The following LRMDA variants were observed in gnomAD, a reference collection of about 807,000 sequenced individuals.
LRMDA encodes leucine-rich melanocyte differentiation-associated protein.
LRMDA carries 18 observed loss-of-function variants against 29.8 expected under a neutral mutation model. The ratio of observed to expected loss-of-function variants is 0.60; its 90% CI spans 0.42 to 0.90. The LOEUF is 0.90. LRMDA is among the 40% of genes least tolerant of loss of function. The pLI is 0.00. For synonymous variants in LRMDA, 125 were observed against 109.4 expected (o/e 1.14, Z -0.89); for missense variants, 273 against 273.9 (o/e 1.00, Z 0.02).
At chr10:76,347,814 C>G (rs1589146271) in intron 6 of LRMDA, among the ~76,000 whole-genome samples, 1 of 152,146 alleles carries the variant, frequency 6.6e-6, no homozygotes, top group Non-Finnish European at 1.5e-5. Flanking sequence ...AGAAAAATCT[C>G]TAATAAATAC....
intron 2 of LRMDA, among the ~76,000 whole-genome samples, chr10:75,528,929 T>A (rs1483667952): frequency 6.6e-6 from 1 of 151,936 alleles, no homozygotes; most frequent in Non-Finnish European, 1.5e-5. Context: ...CCCTTAAAAA[T>A]TCAACACATG....
intron 5 of LRMDA, among the ~76,000 whole-genome samples, chr10:76,285,018 T>C (rs183814565): frequency 8.7e-4 from 133 of 152,302 alleles, no homozygotes; most frequent in Admixed American, 2.7e-3. Context: ...GAATAGATAA[T>C]ACAGGGATGC....
Position 75,934,123 on chromosome 10 carries a change from T to G in LRMDA, c.132-101885T>G, listed in dbSNP as rs551914830. 6.6e-5 allele frequency among the ~76,000 whole-genome samples: 10 copies of G among 152,314 alleles called. No homozygotes were observed. The South Asian group carries it at 1.5e-3, about 22-fold the overall frequency. ...GAGTCTGCAAAATGTGCATGGGTCCTGGGTAAGGAGAAGGCATCACCTGCT... is the reference window on the plus strand; with the variant it reads ...GAGTCTGCAAAATGTGCATGGGTCCGGGGTAAGGAGAAGGCATCACCTGCT... On this transcript the variant is annotated intron_variant, in intron 2 of 6. Coordinates refer to ENST00000611255, the MANE Select transcript of LRMDA (RefSeq NM_001305581.2).
chr10:75,904,892 C>T (rs955939992), intron 2 of LRMDA, among the ~76,000 whole-genome samples: 5 of 151,924 alleles, frequency 3.3e-5, no homozygotes, highest in African/African-American at 1.2e-4. Flanking sequence ...TTATTAGTGA[C>T]AGCTTGTAAG....
chr10:75,596,307 G>C (rs149487092), intron 2 of LRMDA, among the ~76,000 whole-genome samples: 1 of 152,186 alleles, frequency 6.6e-6, no homozygotes, highest in Non-Finnish European at 1.5e-5. Context: ...TGCACTCTCC[G>C]CCCTTACGTT....
chr10:76,226,327 A>T (rs1014399388), intron 5 of LRMDA, among the ~76,000 whole-genome samples: 1 of 152,110 alleles, frequency 6.6e-6, no homozygotes, highest in Non-Finnish European at 1.5e-5. Context: ...TTATACCTGT[A>T]ATCCCAGCAC....
chr10:76,153,405 T>C (rs1050653232), intron 5 of LRMDA, among the ~76,000 whole-genome samples: 6 of 152,354 alleles, frequency 3.9e-5, no homozygotes, highest in African/African-American at 1.4e-4. Context: ...TCCAAGGTCA[T>C]GAAGATACAC....
At chr10:75,874,477 C>G (rs138005966) in intron 2 of LRMDA, among the ~76,000 whole-genome samples, 2 of 152,274 alleles carry the variant, frequency 1.3e-5, no homozygotes, top group Non-Finnish European at 2.9e-5. Flanking sequence ...TTAATAAGCA[C>G]ATTTCTCTTT....
At chr10:75,515,486 C>T (rs1384948778) in intron 2 of LRMDA, among the ~76,000 whole-genome samples, 1 of 152,174 alleles carries the variant, frequency 6.6e-6, no homozygotes, top group Non-Finnish European at 1.5e-5. Flanking sequence ...GCTTCTCCTG[C>T]CTCAGCCTTC....
intron 2 of LRMDA, among the ~76,000 whole-genome samples, chr10:76,024,124 C>T (rs1393958778): frequency 2.0e-5 from 3 of 152,214 alleles, no homozygotes; most frequent in East Asian, 1.9e-4. Context: ...ACTAGATTTG[C>T]GTTTGGCCTC....
chr10:75,521,155 G>A (rs1393323336), intron 2 of LRMDA, among the ~76,000 whole-genome samples: 4 of 152,312 alleles, frequency 2.6e-5, no homozygotes, highest in Non-Finnish European at 4.4e-5. Flanking sequence ...TAGACTACAG[G>A]GGGGTCAGGC....
rs115273338 is a variant in LRMDA, at chr10:76,141,721, C to G, written c.516+82938C>G. Among the ~76,000 whole-genome samples, 346 of 152,142 alleles carry G rather than the reference C, an allele frequency of 2.3e-3. 2 individuals are homozygous for G. The highest frequency in any genetic ancestry group is 7.9e-3 in the African/African-American group (330 of 41,532). ...TGTCACAAATCTCTCTGAAATTGGA[C>G]ATATATCCAGCTTTCAAGCCCCTTG... On this transcript the variant is annotated intron_variant, in intron 5 of 6. Coordinates refer to ENST00000611255, the MANE Select transcript of LRMDA (RefSeq NM_001305581.2).
chr10:75,492,204 T>A (rs957416375), intron 2 of LRMDA, among the ~76,000 whole-genome samples: 3 of 152,226 alleles, frequency 2.0e-5, no homozygotes, highest in Non-Finnish European at 2.9e-5. Context: ...CAACTGACCC[T>A]TTTGCTGAAA....
At chr10:75,699,786 T>C (rs1305013440) in intron 2 of LRMDA, among the ~76,000 whole-genome samples, 1 of 152,202 alleles carries the variant, frequency 6.6e-6, no homozygotes, top group East Asian at 1.9e-4. Context: ...CAGATGTGAT[T>C]AGGTTAAAGA....
intron 5 of LRMDA, among the ~76,000 whole-genome samples, chr10:76,155,527 A>G (rs1057127228): frequency 2.0e-5 from 3 of 152,100 alleles, no homozygotes; most frequent in Admixed American, 6.6e-5. Context: ...TCAATATATG[A>G]TTTTCATTTC....
At chr10:75,668,277 A>G (rs936224242) in intron 2 of LRMDA, among the ~76,000 whole-genome samples, 1 of 152,138 alleles carries the variant, frequency 6.6e-6, no homozygotes, top group Non-Finnish European at 1.5e-5. Context: ...CTGTGGCTTA[A>G]GGTTTTTGTG....
intron 2 of LRMDA, among the ~76,000 whole-genome samples, chr10:75,964,745 A>G (rs1404592220): frequency 6.6e-6 from 1 of 152,074 alleles, no homozygotes. Flanking sequence ...TTTGAAGCCT[A>G]GTGGTTTTGT....
chr10:76,033,929 C>T (rs1276314413), intron 2 of LRMDA, among the ~76,000 whole-genome samples: 8 of 151,980 alleles, frequency 5.3e-5, no homozygotes, highest in Admixed American at 5.2e-4. Flanking sequence ...CCAAACACAC[C>T]CCCAGGGTCA....
At chr10:76,268,469 TTTCAC>T (rs1182648047) in intron 5 of LRMDA, among the ~76,000 whole-genome samples, 1 of 152,174 alleles carries the variant, frequency 6.6e-6, no homozygotes, top group African/African-American at 2.4e-5. Context: ...ACCTCTCTCT[TTTCAC>T]TTCTCTCACC....
Sources: allele counts gnomAD v4.1 joint callset (sites outside exome capture counted in the v4.1 genomes callset), GRCh38; gene constraint gnomAD v4.1.1; transcripts MANE v1.5; gene names NCBI Gene and HGNC (gene_info 2026-07-23, HGNC 2026-07-21).